The following UBP1 variants were observed in gnomAD, a reference collection of about 807,000 sequenced individuals.
The protein encoded by UBP1 is upstream-binding protein 1.
Under a neutral mutation model 76.1 loss-of-function variants are expected in UBP1, and 22 were observed. The observed-to-expected ratio is 0.29, with a 90% CI of 0.21 to 0.41. The LOEUF (loss-of-function observed/expected upper bound fraction) is 0.41. UBP1 is among the 10% of genes least tolerant of loss of function. UBP1 has a pLI of 1.00. For missense variants in UBP1, 436 were observed against 668.1 expected, an observed-to-expected ratio of 0.65 and a Z score of 3.83; for synonymous variants, 224 against 237.1, an observed-to-expected ratio of 0.94 and a Z score of 0.51.
At chr3:33,394,867 T>C (rs1450938129) in intron 13 of UBP1, among the ~76,000 whole-genome samples, 1 of 150,280 alleles carries the variant, frequency 6.7e-6, no homozygotes, top group East Asian at 2.0e-4. Flanking sequence ...CAGCCTTATC[T>C]ACAATTTACA....
rs545778621 is a variant in UBP1 at position 33,395,868 on chromosome 3, G to C, written c.1390+294C>G. On this transcript the variant is annotated intron_variant, in intron 13 of 15. Transcript: ENST00000283629. ...TCTGACCAAAAAAAAAAAAAAGCCAGAACTCAATGCATTCAAGCTAGTTTT... is the reference window on the plus strand; with the variant it reads ...TCTGACCAAAAAAAAAAAAAAGCCACAACTCAATGCATTCAAGCTAGTTTT... 1.7e-4 allele frequency among the ~76,000 whole-genome samples: 23 copies of C among 137,542 alleles called. 1 individual carries two copies. Among genetic ancestry groups the C allele is most frequent in the Admixed American group, 1.5e-3 (20 of 13,354 alleles). The allele number at this position is 137,542 out of a possible 152,430, so 90.2% of individuals were successfully genotyped here. A position where few individuals can be genotyped will look rare whatever the true frequency, so the allele number is the denominator to read the frequency against.
chr3:33,410,916 T>C (rs1040715841), intron 5 of UBP1, among the ~76,000 whole-genome samples: 1 of 151,800 alleles, frequency 6.6e-6, no homozygotes, highest in Admixed American at 6.6e-5. Context: ...CTACTAAAAA[T>C]ACAAAAATCA....
chr3:33,406,573 A>G (rs1007840504), intron 8 of UBP1, among the ~76,000 whole-genome samples: 2 of 152,256 alleles, frequency 1.3e-5, no homozygotes, highest in Non-Finnish European at 2.9e-5. Flanking sequence ...AAAAGCTTCA[A>G]GTTAGCATGG....
intron 8 of UBP1, among the ~76,000 whole-genome samples, chr3:33,406,040 T>C (rs2044410685): frequency 6.6e-6 from 1 of 152,208 alleles, no homozygotes; most frequent in Admixed American, 6.5e-5. Flanking sequence ...CTGGAGAGCT[T>C]TGAATAAACT....
chr3:33,439,295 G>A (rs2045249577), intron 1 of UBP1, among the ~76,000 whole-genome samples: 1 of 152,238 alleles, frequency 6.6e-6, no homozygotes, highest in African/African-American at 2.4e-5. Flanking sequence ...TCTGCAGCCA[G>A]AAAAGATCAT....
Position 33,439,827 on chromosome 3 carries a change from C to A in UBP1, c.22G>T (p.Asp8Tyr). The A allele has an allele frequency of 6.2e-7, 1 of 1,612,370 alleles. No homozygotes were observed. The highest frequency in any genetic ancestry group is 8.5e-7 in the Non-Finnish European group (1 of 1,179,568). Reference sequence around the variant, plus strand: ...ACCAGCCCGGACTCGATCACCTCGTCCATCTTGAGCACCCAGGCCATCTTC... The same window carrying A: ...ACCAGCCCGGACTCGATCACCTCGTACATCTTGAGCACCCAGGCCATCTTC... MAWVLKM[D>Y]EVIESGLVHD... Residue 8 changes from aspartate (D) to tyrosine (Y), a missense_variant, in exon 1 of 16, where the codon GAC becomes TAC. Physicochemically the swap from Asp to Tyr is radical, Grantham distance 160. Around this residue, in one of 3 missense-constraint regions of UBP1, gnomAD observed 161 missense variants for 237.9 expected, o/e 0.68. Coordinates refer to ENST00000283629, the MANE Select transcript of UBP1 (RefSeq NM_014517.5).
chr3:33,438,489 T>A (rs1438308399), intron 1 of UBP1, among the ~76,000 whole-genome samples: 2 of 152,170 alleles, frequency 1.3e-5, no homozygotes, highest in Non-Finnish European at 2.9e-5. Context: ...AGTAGCTCAA[T>A]TTCCTCAACA....
chr3:33,412,838 AG>A lies in UBP1; in HGVS notation c.343-12del, dbSNP rs1437973595. Reference sequence around the variant, plus strand: ...AACCCTTATGATGCTCTGTGGAATAAGTGCGGAAAATGAGTACTTTTAAACT... The same window carrying A: ...AACCCTTATGATGCTCTGTGGAATAATGCGGAAAATGAGTACTTTTAAACT... On this transcript the variant is annotated splice_polypyrimidine_tract_variant and intron_variant, in intron 3 of 15. Transcript: ENST00000283629. 1 of 1,594,110 alleles carries A rather than the reference AG, an allele frequency of 6.3e-7. No individual in the cohort carries two copies. Among genetic ancestry groups the A allele is most frequent in the East Asian group, 2.2e-5 (1 of 44,808 alleles).
chr3:33,409,858 G>A (rs1397728462), intron 5 of UBP1, among the ~76,000 whole-genome samples: 2 of 152,132 alleles, frequency 1.3e-5, no homozygotes, highest in Non-Finnish European at 2.9e-5. Context: ...CAGGACTTGG[G>A]TCCAATCAGG....
intron 1 of UBP1, among the ~76,000 whole-genome samples, chr3:33,427,210 C>A (rs1209850346): frequency 2.0e-5 from 3 of 152,246 alleles, no homozygotes; most frequent in Non-Finnish European, 4.4e-5. Flanking sequence ...AGTGATCCGC[C>A]CGCCTCAGCC....
chr3:33,440,949 A>G (rs1003619861), upstream of UBP1: 2 of 152,292 alleles, frequency 1.3e-5, no homozygotes, highest in Non-Finnish European at 2.9e-5. Flanking sequence ...CCAGTTGTGC[A>G]GAAAACCTTG....
Position 33,411,606 on chromosome 3 carries a change from G to C in UBP1, c.530C>G (p.Ala177Gly), listed in dbSNP as rs201905201. The C allele has an allele frequency of 5.1e-5, 83 of 1,614,008 alleles. No homozygotes were observed. The highest frequency in any genetic ancestry group is 4.0e-5 in the African/African-American group (3 of 74,926). ...LNAVEFLWDP[A>G]KRTSAFIQVH... ...CTGAATGAAAGCAGAGGTGCGTTTT[G>C]CTGGGTCCCACAGAAATTCAACCGC... The change falls in exon 5 of 16, where the codon GCA becomes GGA. Residue 177 changes from alanine to glycine, a missense_variant. Physicochemically the swap from Ala to Gly is moderately conservative, Grantham distance 60. Coordinates refer to ENST00000283629, the MANE Select transcript of UBP1 (RefSeq NM_014517.5).
intron 1 of UBP1, among the ~76,000 whole-genome samples, chr3:33,432,829 T>C (rs574709366): frequency 5.9e-5 from 9 of 152,320 alleles, no homozygotes; most frequent in Non-Finnish European, 1.2e-4. Context: ...TAGATAACAG[T>C]ATTGCACCAA....
chr3:33,441,164 T>C (rs921944599), upstream of UBP1: 1 of 152,260 alleles, frequency 6.6e-6, no homozygotes, highest in South Asian at 2.1e-4. Flanking sequence ...GCCCGAAGGG[T>C]CTTCCTCAGC....
At chr3:33,438,685 C>T (rs1045853951) in intron 1 of UBP1, among the ~76,000 whole-genome samples, 4 of 152,156 alleles carry the variant, frequency 2.6e-5, no homozygotes, top group Non-Finnish European at 5.9e-5. Flanking sequence ...TGTCTCCAAC[C>T]TTTCTGAGAG....
chr3:33,432,046 G>A (rs2045122869), intron 1 of UBP1, among the ~76,000 whole-genome samples: 1 of 152,030 alleles, frequency 6.6e-6, no homozygotes, highest in South Asian at 2.1e-4. Context: ...AGTTAAAACT[G>A]GCTGGGTGCA....
rs2045265154 is a variant in UBP1 at position 33,439,937 on chromosome 3, C to A, written c.-89G>T. On this transcript the variant is annotated 5_prime_UTR_variant, in exon 1 of 16. Coordinates refer to ENST00000283629, the MANE Select transcript of UBP1 (RefSeq NM_014517.5). ...TCCGCTGGCGCGTCCTGGGGGAGGG[C>A]GCGGGTGAAGCCTCCGGAGGGGCGG... The A allele has an allele frequency of 1.4e-6, 2 of 1,464,772 alleles. No individual in the cohort carries two copies. Among genetic ancestry groups the A allele is most frequent in the Non-Finnish European group, 1.9e-6 (2 of 1,071,828 alleles). The allele number at this position is 1,464,772 out of a possible 1,614,324, so 90.7% of individuals were successfully genotyped here. A position where few individuals can be genotyped will look rare whatever the true frequency, so the allele number is the denominator to read the frequency against.
chr3:33,411,530 A>G, intron 5 of UBP1, 51 bp downstream of exon 5: 1 of 1,489,966 alleles, frequency 6.7e-7, no homozygotes, highest in Non-Finnish European at 9.4e-7. Flanking sequence ...CAATCCTACC[A>G]TGACCTAAAT....
rs766334070 is a variant in UBP1 at position 33,392,551 on chromosome 3, CAT to C, written c.1585+10_1585+11del. ...ATTCCAGCATTTTAAGACACACACA[CAT>C]GCAAAGTACCTTTTACTGTGGAGAA... On this transcript the variant is annotated intron_variant, in intron 15 of 15. Transcript: ENST00000283629. The C allele has an allele frequency of 1.9e-5, 30 of 1,608,360 alleles. No homozygotes were observed. Among genetic ancestry groups the C allele is most frequent in the Non-Finnish European group, 2.5e-5 (29 of 1,177,808 alleles).
Sources: gnomAD v4.1 joint callset for allele counts (sites outside exome capture counted in the v4.1 genomes callset) on GRCh38, gnomAD v4.1.1 for gene constraint, gnomAD v4.1.1 regional missense constraint, MANE v1.5 for transcripts, NCBI Gene and HGNC (gene_info 2026-07-23, HGNC 2026-07-21) for gene names.